Variants in MAP3K13 observed in about 807,000 individuals in gnomAD.
MAP3K13 encodes leucine zipper-bearing kinase.
MAP3K13 carries 52 observed loss-of-function variants against 104.0 expected under a neutral mutation model. That is an observed-to-expected ratio of 0.50 (90% CI 0.40 to 0.63). The LOEUF (loss-of-function observed/expected upper bound fraction) is 0.63, where lower values mean the gene tolerates loss of function less well. MAP3K13 is among the 20% of genes least tolerant of loss of function. The pLI, the probability that MAP3K13 is intolerant of heterozygous loss-of-function variation, is 0.00. For synonymous variants in MAP3K13, 394 were observed against 442.2 expected, an observed-to-expected ratio of 0.89 and a Z score of 1.37; for missense variants, 914 against 1,218.5, an observed-to-expected ratio of 0.75 and a Z score of 3.72.
intron 1 of MAP3K13, among the ~76,000 whole-genome samples, chr3:185,387,730 G>T (rs547909054): frequency 6.6e-6 from 1 of 152,118 alleles, no homozygotes; most frequent in South Asian, 2.1e-4. Flanking sequence ...AATGGGGAAA[G>T]GTGAAAGCCT....
At chr3:185,349,780 T>C (rs557155427) in intron 2 of MAP3K13, among the ~76,000 whole-genome samples, 5 of 152,330 alleles carry the variant, frequency 3.3e-5, no homozygotes, top group Admixed American at 2.6e-4. Context: ...TAAATGAAGT[T>C]AACTGCTTTA....
rs1019530765 is a variant in MAP3K13 at position 185,436,503 on chromosome 3, A to C, written c.476-944A>C. Among the ~76,000 whole-genome samples the C allele has an allele frequency of 5.3e-5, 8 of 152,338 alleles. No individual in the cohort carries two copies. The South Asian group carries it at 1.0e-3, about 20-fold the overall frequency. On this transcript the variant is annotated intron_variant, in intron 2 of 13. Transcript: ENST00000265026. ...CAGTTATCAGTTATATGATTTTAGG[A>C]GAATTTACTTAACCACCCTATGCCT...
At chr3:185,442,458 C>G (rs1375921573) in intron 3 of MAP3K13, among the ~76,000 whole-genome samples, 1 of 151,860 alleles carries the variant, frequency 6.6e-6, no homozygotes, top group South Asian at 2.1e-4. Context: ...GAAGTATTTT[C>G]TCTGAATTAT....
At chr3:185,349,447 T>G (rs1577451431) in intron 2 of MAP3K13, among the ~76,000 whole-genome samples, 2 of 134,654 alleles carry the variant, frequency 1.5e-5, no homozygotes, top group East Asian at 4.5e-4. Context: ...GGACATGACT[T>G]CATTCTTTTT....
intron 2 of MAP3K13, among the ~76,000 whole-genome samples, chr3:185,348,511 A>T (rs1415076163): frequency 6.6e-6 from 1 of 152,136 alleles, no homozygotes; most frequent in Non-Finnish European, 1.5e-5. Flanking sequence ...TCTGTAATTC[A>T]CTCATAACAG....
chr3:185,311,937 C>T (rs1006606340), intron 2 of MAP3K13, among the ~76,000 whole-genome samples: 4 of 152,194 alleles, frequency 2.6e-5, no homozygotes, highest in Non-Finnish European at 5.9e-5. Context: ...AATTATAGGG[C>T]TTCACGTATC....
In MAP3K13 at chr3:185,454,603, A is replaced by ATATATATATGATATATAGATATATAT. The variant is rs1422493164; in HGVS notation, c.1278+3208_1278+3209insTATATATATGATATATAGATATATAT. On this transcript the variant is annotated intron_variant, in intron 7 of 13. Transcript: ENST00000265026. Reference sequence around the variant, plus strand: ...TATATATGATATATAGATATATATGAGATATATATGATATATATATGAGAT... The same window carrying ATATATATATGATATATAGATATATAT: ...TATATATGATATATAGATATATATGATATATATATGATATATAGATATATATGATATATATGATATATATATGAGAT... 4.2e-5 allele frequency among the ~76,000 whole-genome samples: 2 copies of ATATATATATGATATATAGATATATAT among 48,022 alleles called. 1 individual carries two copies. The highest frequency in any genetic ancestry group is 7.1e-4 in the Admixed American group (2 of 2,808). 31.5% of individuals were successfully genotyped at this position (48,022 alleles called of 152,430 possible).
At chr3:185,471,185 G>A (rs1172072674) in intron 10 of MAP3K13, among the ~76,000 whole-genome samples, 2 of 151,768 alleles carry the variant, frequency 1.3e-5, no homozygotes, top group African/African-American at 4.8e-5. Context: ...TTCTGCTAAT[G>A]TTTTGGCTAA....
At chr3:185,389,219 C>T (rs1236107860) in intron 1 of MAP3K13, among the ~76,000 whole-genome samples, 1 of 152,146 alleles carries the variant, frequency 6.6e-6, no homozygotes, top group Non-Finnish European at 1.5e-5. Context: ...TCATAGCCTT[C>T]CAAATTTCTG....
intron 1 of MAP3K13, among the ~76,000 whole-genome samples, chr3:185,390,472 T>TA: frequency 6.6e-6 from 1 of 152,244 alleles, no homozygotes; most frequent in East Asian, 1.9e-4. Context: ...ACATTTTTCT[T>TA]AAAGGCTACG....
intron 2 of MAP3K13, among the ~76,000 whole-genome samples, chr3:185,286,101 C>T (rs984660444): frequency 1.4e-4 from 21 of 151,984 alleles, no homozygotes; most frequent in Non-Finnish European, 1.6e-4. Context: ...AAAATGTCTT[C>T]GTTTCTTTAT....
At chr3:185,325,149 A>G (rs1407975884) in intron 2 of MAP3K13, among the ~76,000 whole-genome samples, 1 of 152,242 alleles carries the variant, frequency 6.6e-6, no homozygotes, top group Non-Finnish European at 1.5e-5. Context: ...AAGGTTACTT[A>G]CTATGACAGA....
At chr3:185,337,335 C>T (rs1467359692) in intron 2 of MAP3K13, among the ~76,000 whole-genome samples, 2 of 152,224 alleles carry the variant, frequency 1.3e-5, no homozygotes, top group Non-Finnish European at 2.9e-5. Flanking sequence ...AAGCAACTTA[C>T]ACAGGATGTT....
chr3:185,291,889 G>T, intron 2 of MAP3K13: 4 of 1,120,026 alleles, frequency 3.6e-6, no homozygotes, highest in Non-Finnish European at 4.3e-6. Flanking sequence ...TAGAGCCAAG[G>T]AGACAGTGCT....
intron 1 of MAP3K13, among the ~76,000 whole-genome samples, chr3:185,383,445 C>G (rs1359484775): frequency 6.6e-6 from 1 of 151,686 alleles, no homozygotes; most frequent in African/African-American, 2.4e-5. Context: ...ACCTGTAGTC[C>G]CAGCTACTCG....
intron 1 of MAP3K13, among the ~76,000 whole-genome samples, chr3:185,366,148 A>G (rs538582429): frequency 3.8e-4 from 58 of 151,442 alleles, no homozygotes; most frequent in South Asian, 8.4e-4. Flanking sequence ...TGCTTTCTCT[A>G]TATATAGATT....
At chr3:185,457,256 G>C (rs542477971) in intron 7 of MAP3K13, among the ~76,000 whole-genome samples, 1 of 152,342 alleles carries the variant, frequency 6.6e-6, no homozygotes, top group South Asian at 2.1e-4. Flanking sequence ...GGAGAGGAGA[G>C]AACAGGAGAG....
chr3:185,432,185 C>CTTTTTTTT (rs11407161), intron 2 of MAP3K13, among the ~76,000 whole-genome samples: 6 of 90,108 alleles, frequency 6.7e-5, no homozygotes, highest in East Asian at 3.4e-4. Flanking sequence ...TTTCTAATTG[C>CTTTTTTTT]TTTTTTTTTT....
At chr3:185,290,565 G>T (rs547762442) in intron 2 of MAP3K13, among the ~76,000 whole-genome samples, 1 of 152,160 alleles carries the variant, frequency 6.6e-6, no homozygotes, top group Non-Finnish European at 1.5e-5. Flanking sequence ...AACCAATTTT[G>T]TAGAGTGGTG....
Sources: gnomAD v4.1 joint callset for allele counts (sites outside exome capture counted in the v4.1 genomes callset) on GRCh38, gnomAD v4.1.1 for gene constraint, MANE v1.5 for transcripts, NCBI Gene and HGNC (gene_info 2026-07-23, HGNC 2026-07-21) for gene names.